CHD1L: variants seen among roughly 807,000 people sequenced by gnomAD.
CHD1L encodes chromodomain helicase DNA binding protein 1 like.
In CHD1L, 118 loss-of-function variants were observed where a neutral mutation model predicts 115.9. The ratio of observed to expected loss-of-function variants is 1.02; its 90% CI spans 0.88 to 1.19. The LOEUF (loss-of-function observed/expected upper bound fraction) is 1.19. Ranked by LOEUF, CHD1L falls within the 50% of genes most tolerant of loss-of-function variation. CHD1L has a pLI of 0.00. For missense variants in CHD1L, 1,179 were observed against 1,065.3 expected (o/e 1.11, Z -1.49); for synonymous variants, 411 against 387.1 (o/e 1.06, Z -0.72).
chr1:147,268,772 T>C lies in CHD1L; in HGVS notation c.989-10T>C. ...GGCACATTACTGGGAGTGGGTTCTT[T>C]CTTTTCTAGGTGTGGAGCCGGAGCC... On this transcript the variant is annotated splice_polypyrimidine_tract_variant and intron_variant, in intron 9 of 22. Transcript: ENST00000369258. 3 of 1,612,002 alleles carry C rather than the reference T, an allele frequency of 1.9e-6. No homozygotes were observed. Among genetic ancestry groups the C allele is most frequent in the Non-Finnish European group, 2.5e-6 (3 of 1,178,680 alleles).
chr1:147,238,161 GA>G (rs1664645390), upstream of CHD1L, among the ~76,000 whole-genome samples: 1 of 152,152 alleles, frequency 6.6e-6, no homozygotes, highest in Non-Finnish European at 1.5e-5. Flanking sequence ...TTGCAAGAAA[GA>G]AAACCCAAGT....
chr1:147,289,853 G>A (rs1429194713), intron 19 of CHD1L, among the ~76,000 whole-genome samples: 3 of 152,184 alleles, frequency 2.0e-5, no homozygotes, highest in Non-Finnish European at 4.4e-5. Context: ...GGAGAGTTTC[G>A]TTTTCATCAG....
chr1:147,218,591 A>G, the CHD1L span, among the ~76,000 whole-genome samples: 1 of 152,204 alleles, frequency 6.6e-6, no homozygotes, highest in South Asian at 2.1e-4. Flanking sequence ...ATAAATACAA[A>G]GTAGATCCTG....
chr1:147,213,066 A>T, the CHD1L span, among the ~76,000 whole-genome samples: 1 of 152,158 alleles, frequency 6.6e-6, no homozygotes, highest in Non-Finnish European at 1.5e-5. Flanking sequence ...TACTCCAGTC[A>T]TTTGATACAA....
intron 1 of CHD1L, 170 bp downstream of exon 1, chr1:147,243,000 GC>G: frequency 1.2e-6 from 1 of 835,084 alleles, no homozygotes; most frequent in Non-Finnish European, 1.6e-6. Flanking sequence ...GGGCTTGGTG[GC>G]CACGGCCCCC....
intron 6 of CHD1L, among the ~76,000 whole-genome samples, chr1:147,263,057 A>G (rs1292821382): frequency 6.6e-6 from 1 of 152,186 alleles, no homozygotes; most frequent in African/African-American, 2.4e-5. Context: ...GTAAATGTGT[A>G]TATACATATG....
the CHD1L span, chr1:147,190,067 A>G: frequency 1.5e-6 from 1 of 680,098 alleles, no homozygotes; most frequent in Non-Finnish European, 2.4e-6. Flanking sequence ...TCTTCATAAT[A>G]GAATCTAAAT....
chr1:147,246,372 A>G (rs1157883007), intron 1 of CHD1L, among the ~76,000 whole-genome samples: 2 of 152,254 alleles, frequency 1.3e-5, no homozygotes, highest in African/African-American at 4.8e-5. Flanking sequence ...AAACATTTGT[A>G]TACAGATTTT....
chr1:147,194,982 T>C, the CHD1L span, among the ~76,000 whole-genome samples: 1 of 151,806 alleles, frequency 6.6e-6, no homozygotes, highest in African/African-American at 2.4e-5. Context: ...GACAATTATG[T>C]GTCTTGGAGT....
chr1:147,289,730 C>G (rs1271773563), intron 19 of CHD1L, among the ~76,000 whole-genome samples: 1 of 152,240 alleles, frequency 6.6e-6, no homozygotes, highest in Admixed American at 6.5e-5. Flanking sequence ...ACAACACTTA[C>G]TATTCCTTGT....
chr1:147,255,068 G>T, intron 3 of CHD1L, 92 bp downstream of exon 3: 5 of 896,054 alleles, frequency 5.6e-6, no homozygotes, highest in Non-Finnish European at 8.3e-6. Flanking sequence ...ACAACCTATT[G>T]TCGTAATTAG....
intron 18 of CHD1L, 52 bp downstream of exon 18, chr1:147,286,552 A>G (rs916607850): frequency 9.0e-6 from 14 of 1,556,350 alleles, no homozygotes; most frequent in African/African-American, 2.7e-5. Context: ...TTATGGTGCC[A>G]AGAACTGGGG....
intron 14 of CHD1L, 62 bp downstream of exon 14, chr1:147,276,319 G>A (rs2102752717): frequency 6.5e-7 from 1 of 1,546,264 alleles, no homozygotes; most frequent in Non-Finnish European, 8.7e-7. Flanking sequence ...GGAGGAGAAT[G>A]TAAATGAAAA....
chr1:147,286,330 C>A lies in CHD1L; in HGVS notation c.2051C>A (p.Ser684Tyr). The A allele has an allele frequency of 6.2e-7, 1 of 1,614,112 alleles. No homozygotes were observed. The highest frequency in any genetic ancestry group is 1.1e-5 in the South Asian group (1 of 91,074). The change falls in exon 18 of 23, where the codon TCC (serine) becomes TAC (tyrosine). Residue 684 changes from serine to tyrosine, a missense_variant. Physicochemically the swap from Ser to Tyr is moderately radical, Grantham distance 144 (BLOSUM62 -2). Coordinates refer to ENST00000369258, the MANE Select transcript of CHD1L (RefSeq NM_004284.6). ...MAWWESNNYQ[S>Y]FCLPSEESEP... The stretch of plus-strand genomic sequence containing the variant: ...TGGTGGGAATCCAACAATTACCAGT[C>A]CTTCTGCCTGCCCTCTGAGGAGAGC...
At chr1:147,178,207 G>C in the CHD1L span, 4 of 1,613,252 alleles carry the variant, frequency 2.5e-6, no homozygotes, top group South Asian at 2.2e-5. Context: ...AGGACTCAGG[G>C]ACGACAACTT....
At chr1:147,232,134 G>C in the CHD1L span, among the ~76,000 whole-genome samples, 1 of 152,158 alleles carries the variant, frequency 6.6e-6, no homozygotes, top group Non-Finnish European at 1.5e-5. Flanking sequence ...TGAATCTTGA[G>C]GGAGGGCTGC....
At chr1:147,276,044 T>A in intron 13 of CHD1L, 60 bp from the exon 14 acceptor site, 1 of 1,536,700 alleles carries the variant, frequency 6.5e-7, no homozygotes, top group East Asian at 2.3e-5. Context: ...TTACCTTGCA[T>A]ACTTTTGCCC....
chr1:147,252,283 T>C (rs1668640071), intron 1 of CHD1L, among the ~76,000 whole-genome samples: 1 of 152,216 alleles, frequency 6.6e-6, no homozygotes, highest in Non-Finnish European at 1.5e-5. Flanking sequence ...CTTTGTTAAG[T>C]TGCATCAGTA....
At chr1:147,193,661 T>C in the CHD1L span, among the ~76,000 whole-genome samples, 1 of 152,200 alleles carries the variant, frequency 6.6e-6, no homozygotes, top group Admixed American at 6.5e-5. Context: ...TAAATTTCCC[T>C]CTACACACTG....
Sources: gnomAD v4.1 joint callset for allele counts (sites outside exome capture counted in the v4.1 genomes callset) on GRCh38, gnomAD v4.1.1 for gene constraint, MANE v1.5 for transcripts, NCBI Gene and HGNC (gene_info 2026-07-23, HGNC 2026-07-21) for gene names.